The following RASSF6 variants were observed in gnomAD, a reference collection of about 807,000 sequenced individuals.
RASSF6 encodes ras association domain-containing protein 6.
In RASSF6, 52 loss-of-function variants were observed where a neutral mutation model predicts 44.0. The ratio of observed to expected loss-of-function variants is 1.18; its 90% confidence interval spans 0.95 to 1.49. The LOEUF is 1.49. Among genes scored for constraint, RASSF6 ranks in the 40% most tolerant of loss-of-function variants. The probability of loss-of-function intolerance (pLI) is 0.00; values close to 1 mark genes in which losing one functional copy is unlikely to be tolerated. For synonymous variants in RASSF6, 162 were observed against 124.6 expected, an observed-to-expected ratio of 1.30 and a Z score of -2.00; for missense variants, 464 against 393.3, an observed-to-expected ratio of 1.18 and a Z score of -1.52.
At chr4:73,585,415 C>A in intron 5 of RASSF6, 51 bp from the exon 6 acceptor site, 1 of 1,274,170 alleles carries the variant, frequency 7.8e-7, no homozygotes, top group Non-Finnish European at 1.1e-6. Context: ...TGTGTCCTAG[C>A]ATCCTGAGTG....
At chr4:73,583,724 A>G (rs1723852831) in intron 6 of RASSF6, among the ~76,000 whole-genome samples, 1 of 151,794 alleles carries the variant, frequency 6.6e-6, no homozygotes, top group African/African-American at 2.4e-5. Flanking sequence ...GAGCTCATTC[A>G]ATCAACAGCA....
At chr4:73,586,394 A>G (rs1016101883) in intron 5 of RASSF6, among the ~76,000 whole-genome samples, 1 of 152,038 alleles carries the variant, frequency 6.6e-6, no homozygotes, top group African/African-American at 2.4e-5. Flanking sequence ...AGCGTTGAAC[A>G]ACTCTAGTAT....
intron 6 of RASSF6, 64 bp downstream of exon 6, chr4:73,585,116 G>A: frequency 8.9e-7 from 1 of 1,121,676 alleles, no homozygotes; most frequent in Non-Finnish European, 1.3e-6. Context: ...TGAATTGGGT[G>A]GTATTGTTAG....
In RASSF6 at chr4:73,573,016, G is replaced by A. The variant is rs1722995413; in HGVS notation, c.*3219C>T. ...GTACATAATAAATATTTTGGAACAT[G>A]TGTATGTGTATATTCTTATTTAGAT... is the stretch of plus-strand genomic sequence containing the variant. On this transcript the variant is annotated 3_prime_UTR_variant, in exon 11 of 11. Coordinates refer to ENST00000307439, the MANE Select transcript of RASSF6 (RefSeq NM_177532.5). The A allele has an allele frequency of 6.6e-6, 1 of 151,836 alleles. No individual in the cohort carries two copies. Among genetic ancestry groups the A allele is most frequent in the African/African-American group, 2.4e-5 (1 of 41,328 alleles). 9.4% of individuals were successfully genotyped at this position (151,836 alleles called of 1,614,324 possible). A position where few individuals can be genotyped will look rare whatever the true frequency, so the allele number is the denominator to read the frequency against.
chr4:73,573,143 T>A lies in RASSF6; in HGVS notation c.*3092A>T, dbSNP rs943619856. The A allele has an allele frequency of 2.0e-5, 3 of 151,984 alleles. No homozygotes were observed. Among genetic ancestry groups the A allele is most frequent in the African/African-American group, 4.8e-5 (2 of 41,386 alleles). The allele number at this position is 151,984 out of a possible 1,614,324, so 9.4% of individuals were successfully genotyped here. A position where few individuals can be genotyped will look rare whatever the true frequency, so the allele number is the denominator to read the frequency against. On this transcript the variant is annotated 3_prime_UTR_variant, in exon 11 of 11. Coordinates refer to ENST00000307439, the MANE Select transcript of RASSF6 (RefSeq NM_177532.5). ...TGTTTATTTCCCTCTTTTTTTTTTT[T>A]TAGAGACGGAGTCTTGCTCTGTCGT...
chr4:73,601,032 A>T (rs1037732210), intron 2 of RASSF6, among the ~76,000 whole-genome samples: 23 of 152,234 alleles, frequency 1.5e-4, no homozygotes, highest in African/African-American at 5.5e-4. Flanking sequence ...GAGCTGTGAG[A>T]GTTGTTATGA....
intron 3 of RASSF6, among the ~76,000 whole-genome samples, chr4:73,598,423 T>A (rs184831603): frequency 1.3e-5 from 2 of 152,230 alleles, no homozygotes; most frequent in Non-Finnish European, 2.9e-5. Flanking sequence ...ATATTCATAT[T>A]CTATTTTTAA....
intron 8 of RASSF6, among the ~76,000 whole-genome samples, chr4:73,580,188 C>T (rs1452743647): frequency 1.3e-5 from 2 of 151,886 alleles, no homozygotes. Context: ...CATGTCCCTA[C>T]AAAGGACATG....
chr4:73,582,358 A>G, intron 6 of RASSF6, 68 bp from the exon 7 acceptor site: 1 of 727,230 alleles, frequency 1.4e-6, no homozygotes, highest in Non-Finnish European at 2.1e-6. Context: ...TATCTTGAAC[A>G]TAATCTTCTT....
rs989772828 is a variant in RASSF6 at position 73,572,267 on chromosome 4, C to T, written c.*3968G>A. 39 of 152,202 alleles carry T rather than the reference C, an allele frequency of 2.6e-4. No homozygotes were observed. The highest frequency in any genetic ancestry group is 2.4e-3 in the Admixed American group (36 of 15,288). The allele number at this position is 152,202 out of a possible 1,614,324, so 9.4% of individuals were successfully genotyped here. On this transcript the variant is annotated 3_prime_UTR_variant, in exon 11 of 11. Transcript: ENST00000307439. ...TGCTCAGGACATGGCAGTTGACTTC[C>T]CCCAGAGCAAGTGGTCCAAGAGAGA... is the stretch of plus-strand genomic sequence containing the variant.
At chr4:73,589,191 T>C (rs1037317650) in intron 4 of RASSF6, among the ~76,000 whole-genome samples, 1 of 152,136 alleles carries the variant, frequency 6.6e-6, no homozygotes, top group Non-Finnish European at 1.5e-5. Context: ...CAGCAAGCTG[T>C]ACTATTCAGA....
intron 2 of RASSF6, chr4:73,603,933 T>C (rs956907875): frequency 6.6e-6 from 1 of 152,166 alleles, no homozygotes; most frequent in Non-Finnish European, 1.5e-5. Context: ...AAGAACCCTG[T>C]CCTAGTCTTT....
At chr4:73,620,616 CTCCCT>C, upstream of RASSF6, 2 of 685,512 alleles carry the variant, frequency 2.9e-6, no homozygotes, top group Non-Finnish European at 4.7e-6. Flanking sequence ...ACCTGAGCCA[CTCCCT>C]GTGCCTCAGT....
At chr4:73,594,619 G>A (rs1002146310) in intron 3 of RASSF6, among the ~76,000 whole-genome samples, 5 of 152,114 alleles carry the variant, frequency 3.3e-5, no homozygotes, top group African/African-American at 1.2e-4. Flanking sequence ...TATTTCTTTG[G>A]CTGATAAACT....
intron 4 of RASSF6, among the ~76,000 whole-genome samples, chr4:73,588,900 T>C (rs1233638318): frequency 6.6e-6 from 1 of 151,948 alleles, no homozygotes; most frequent in Admixed American, 6.6e-5. Context: ...TCTAGGCAAA[T>C]GGTTGCTATT....
chr4:73,609,629 T>C (rs935155694), intron 2 of RASSF6, among the ~76,000 whole-genome samples: 1 of 152,210 alleles, frequency 6.6e-6, no homozygotes, highest in Non-Finnish European at 1.5e-5. Flanking sequence ...TGTAGTTCTG[T>C]GCAGGAAAAT....
chr4:73,604,688 A>G (rs1725504816), intron 2 of RASSF6: 1 of 152,202 alleles, frequency 6.6e-6, no homozygotes, highest in Non-Finnish European at 1.5e-5. Flanking sequence ...GAAGCTATTT[A>G]ACAATTTCAT....
intron 6 of RASSF6, among the ~76,000 whole-genome samples, chr4:73,584,117 G>A (rs1285869209): frequency 6.6e-6 from 1 of 152,090 alleles, no homozygotes; most frequent in East Asian, 1.9e-4. Flanking sequence ...TTATAGCTAT[G>A]AGAATGATTC....
At chr4:73,589,542 T>A (rs2149376215) in intron 4 of RASSF6, among the ~76,000 whole-genome samples, 1 of 152,132 alleles carries the variant, frequency 6.6e-6, no homozygotes, top group South Asian at 2.1e-4. Flanking sequence ...GTCACACAAA[T>A]ATAGGAGGCC....
Sources: allele counts gnomAD v4.1 joint callset (sites outside exome capture counted in the v4.1 genomes callset), GRCh38; gene constraint gnomAD v4.1.1; transcripts MANE v1.5; gene names NCBI Gene and HGNC (gene_info 2026-07-23, HGNC 2026-07-21).